IMMP2L: variants seen among roughly 807,000 people sequenced by gnomAD.
IMMP2L encodes the protein mitochondrial inner membrane protease subunit 2.
A neutral mutation model predicts 19.3 loss-of-function variants in IMMP2L; 18 were observed. The observed-to-expected ratio is 0.93, with a 90% CI of 0.64 to 1.38. IMMP2L has a LOEUF of 1.38. IMMP2L is among the 40% of genes most tolerant of loss of function. The probability of loss-of-function intolerance (pLI) is 0.00; values close to 1 mark genes in which losing one functional copy is unlikely to be tolerated. For missense variants in IMMP2L, 233 were observed against 218.2 expected (o/e 1.07, Z -0.43); for synonymous variants, 76 against 73.0 (o/e 1.04, Z -0.21).
At chr7:111,156,821 T>C (rs961291717) in intron 3 of IMMP2L, among the ~76,000 whole-genome samples, 5 of 151,960 alleles carry the variant, frequency 3.3e-5, no homozygotes, top group Non-Finnish European at 2.9e-5. Context: ...ACTGGTGAAG[T>C]CTTCTAGGCC....
rs1210764616 is a variant in IMMP2L at position 111,123,544 on chromosome 7, A to G, written c.240-159979T>C. The G allele has an allele frequency of 6.2e-7, 1 of 1,613,808 alleles. No homozygotes were observed. The highest frequency in any genetic ancestry group is 2.2e-5 in the East Asian group (1 of 44,866). ...TAAAGTACCCCATGTTGCTCTTCAA[A>G]AAGTTGTAAATCTCAAATTTTTGGA... is the stretch of plus-strand genomic sequence containing the variant. On this transcript the variant is annotated intron_variant, in intron 3 of 5. Coordinates refer to ENST00000405709, the MANE Select transcript of IMMP2L (RefSeq NM_032549.4). The surrounding 1 kb of genome is among the most constrained non-coding windows in gnomAD (Gnocchi z 6.4).
chr7:111,429,857 T>A (rs1836455166), intron 3 of IMMP2L, among the ~76,000 whole-genome samples: 1 of 151,816 alleles, frequency 6.6e-6, no homozygotes, highest in Non-Finnish European at 1.5e-5. Context: ...GCCTGTACTT[T>A]CACAAATGCA....
rs1811506132 is a variant in IMMP2L, at chr7:111,213,089, A to T, written c.240-249524T>A. 6.6e-6 allele frequency among the ~76,000 whole-genome samples: 1 copy of T among 152,170 alleles called. No individual in the cohort carries two copies. The highest frequency in any genetic ancestry group is 1.5e-5 in the Non-Finnish European group (1 of 68,016). On this transcript the variant is annotated intron_variant, in intron 3 of 5. Transcript: ENST00000405709. The surrounding 1 kb of genome is among the most constrained non-coding windows in gnomAD (Gnocchi z 4.8). ...CCACCCAAGTGGCGGCTCCAAACCC[A>T]GGCATTTCTACACTCTTGGAGGCCA...
rs1015817030 is a variant in IMMP2L at position 110,757,246 on chromosome 7, A to G, written c.409-93525T>C. 2.6e-5 allele frequency among the ~76,000 whole-genome samples: 4 copies of G among 151,994 alleles called. No individual in the cohort carries two copies. The highest frequency in any genetic ancestry group is 9.7e-5 in the African/African-American group (4 of 41,412). On this transcript the variant is annotated intron_variant, in intron 5 of 5. Coordinates refer to ENST00000405709, the MANE Select transcript of IMMP2L (RefSeq NM_032549.4). This position sits in a 1 kb window ranked among gnomAD's most constrained non-coding sequence, Gnocchi z 4.2. ...GGCTTCACGGGTGTGCAATCTGGGG[A>G]GTCACTGAGGGAACCACATCCAGAA...
intron 1 of IMMP2L, among the ~76,000 whole-genome samples, chr7:111,551,924 G>A (rs7791245): frequency 1.3e-5 from 2 of 151,952 alleles, no homozygotes; most frequent in Admixed American, 6.6e-5. Flanking sequence ...GCAAGGTAGA[G>A]CAAGTACTAA....
chr7:111,335,181 A>T (rs1004942986), intron 3 of IMMP2L, among the ~76,000 whole-genome samples: 10 of 152,110 alleles, frequency 6.6e-5, no homozygotes, highest in Non-Finnish European at 1.2e-4. Context: ...GATACAAACT[A>T]GAGCTAGGTT....
intron 3 of IMMP2L, among the ~76,000 whole-genome samples, chr7:111,249,199 C>T (rs1269642415): frequency 1.2e-5 from 1 of 81,826 alleles, no homozygotes; most frequent in African/African-American, 5.6e-5. Flanking sequence ...ACCCTCCGAG[C>T]CAGGTGTGGG....
intron 5 of IMMP2L, among the ~76,000 whole-genome samples, chr7:110,692,964 C>T (rs117626460): frequency 6.6e-6 from 1 of 152,278 alleles, no homozygotes; most frequent in Non-Finnish European, 1.5e-5. Flanking sequence ...AAATGCAGCC[C>T]AAGCCATCTG....
chr7:110,749,795 A>G (rs1374182478), intron 5 of IMMP2L, among the ~76,000 whole-genome samples: 1 of 152,106 alleles, frequency 6.6e-6, no homozygotes, highest in Non-Finnish European at 1.5e-5. Flanking sequence ...TATCTAACGT[A>G]GATGATGGGT....
chr7:110,900,791 C>T (rs918894465), intron 4 of IMMP2L, among the ~76,000 whole-genome samples: 3 of 152,096 alleles, frequency 2.0e-5, no homozygotes, highest in African/African-American at 7.2e-5. Flanking sequence ...CTAAAAATGT[C>T]TCCAAACGTT....
At chr7:111,253,864 T>C (rs949394692) in intron 3 of IMMP2L, among the ~76,000 whole-genome samples, 8 of 152,126 alleles carry the variant, frequency 5.3e-5, no homozygotes, top group Non-Finnish European at 8.8e-5. Flanking sequence ...GGAAGAGGTG[T>C]GAGGCCAGCG....
intron 3 of IMMP2L, among the ~76,000 whole-genome samples, chr7:111,081,301 T>C (rs1386280144): frequency 6.6e-6 from 1 of 152,204 alleles, no homozygotes; most frequent in Non-Finnish European, 1.5e-5. Flanking sequence ...AAAAAGAAAA[T>C]GTAAAAACAA....
intron 5 of IMMP2L, among the ~76,000 whole-genome samples, chr7:110,835,600 T>C (rs1408593403): frequency 1.3e-5 from 2 of 152,000 alleles, no homozygotes; most frequent in Non-Finnish European, 1.5e-5. Context: ...CAAACTAAAA[T>C]ACTTGCCTTT....
At position 111,214,328 on chromosome 7, in the gene IMMP2L, C is replaced by CTTTTTTTTTTTTT. The variant is rs1484229556; in HGVS notation, c.240-250764_240-250763insAAAAAAAAAAAAA. ...GTGAATGAATGACAAAGTAATTTTT[C>CTTTTTTTTTTTTT]TTCTTTTTTTTTTTTTTTTTTTTTT... On this transcript the variant is annotated intron_variant, in intron 3 of 5. Transcript: ENST00000405709. 4.7e-5 allele frequency among the ~76,000 whole-genome samples: 4 copies of CTTTTTTTTTTTTT among 85,110 alleles called. 1 individual carries two copies. The highest frequency in any genetic ancestry group is 4.8e-5 in the African/African-American group (1 of 20,836). The allele number at this position is 85,110 out of a possible 152,430, so 55.8% of individuals were successfully genotyped here. A position where few individuals can be genotyped will look rare whatever the true frequency, so the allele number is the denominator to read the frequency against.
At chr7:110,748,847 T>G (rs562784138) in intron 5 of IMMP2L, among the ~76,000 whole-genome samples, 1 of 152,272 alleles carries the variant, frequency 6.6e-6, no homozygotes, top group Admixed American at 6.5e-5. Context: ...GGGCAAAGAC[T>G]TCATGACTGA....
chr7:110,814,263 C>T (rs1363815781), intron 5 of IMMP2L, among the ~76,000 whole-genome samples: 4 of 151,690 alleles, frequency 2.6e-5, no homozygotes, highest in Non-Finnish European at 5.9e-5. Flanking sequence ...TAAGCAATTG[C>T]CATTTTAAGG....
Position 110,822,669 on chromosome 7 carries a change from T to C in IMMP2L, c.408+63924A>G, listed in dbSNP as rs143187310. Reference sequence around the variant, plus strand: ...TTAGTTCCAGGCTCTGTACTTTTAATGTTTTCTCTAATCCTTAAAAAAGAC... The same window carrying C: ...TTAGTTCCAGGCTCTGTACTTTTAACGTTTTCTCTAATCCTTAAAAAAGAC... On this transcript the variant is annotated intron_variant, in intron 5 of 5. Transcript: ENST00000405709. 3.8e-3 allele frequency among the ~76,000 whole-genome samples: 575 copies of C among 152,274 alleles called. 4 individuals carry two copies. Among genetic ancestry groups the C allele is most frequent in the Non-Finnish European group, 4.7e-3 (319 of 68,014 alleles).
chr7:111,505,243 T>A (rs997214298), intron 2 of IMMP2L, among the ~76,000 whole-genome samples: 3 of 151,164 alleles, frequency 2.0e-5, no homozygotes, highest in African/African-American at 7.3e-5. Flanking sequence ...TCACTGGCCA[T>A]CAGAGAAATG....
At chr7:111,432,546 G>T (rs1585075608) in intron 3 of IMMP2L, among the ~76,000 whole-genome samples, 1 of 151,646 alleles carries the variant, frequency 6.6e-6, no homozygotes, top group South Asian at 2.1e-4. Flanking sequence ...CAACAAACTA[G>T]GTATAGAAGG....
Sources: gnomAD v4.1 joint callset for allele counts (sites outside exome capture counted in the v4.1 genomes callset) on GRCh38, gnomAD v4.1.1 for gene constraint, Gnocchi (gnomAD v3.1) non-coding constraint, MANE v1.5 for transcripts, NCBI Gene and HGNC (gene_info 2026-07-23, HGNC 2026-07-21) for gene names.